The following SLC1A3 variants were observed in gnomAD, a reference collection of about 807,000 sequenced individuals.
SLC1A3 encodes the protein solute carrier family 1 member 3, also known as excitatory amino acid transporter 1.
In SLC1A3, 21 loss-of-function variants were observed where a neutral mutation model predicts 48.1. That is an observed-to-expected ratio of 0.44 (90% CI 0.31 to 0.63). SLC1A3 has a LOEUF of 0.63. Ranked by LOEUF, SLC1A3 falls within the 20% of genes least tolerant of loss-of-function variation. The pLI, the probability that SLC1A3 is intolerant of heterozygous loss-of-function variation, is 0.08. For missense variants in SLC1A3, 546 were observed against 689.0 expected, an observed-to-expected ratio of 0.79 and a Z score of 2.32; for synonymous variants, 239 against 251.4, an observed-to-expected ratio of 0.95 and a Z score of 0.47.
At chr5:36,674,173 C>G (rs913706243) in intron 5 of SLC1A3, 82 bp downstream of exon 5, 74 of 1,075,552 alleles carry the variant, frequency 6.9e-5, no homozygotes, top group Non-Finnish European at 1.0e-4. Context: ...TTTCCCTGCT[C>G]ATTTCTCTGC....
At chr5:36,612,857 TAA>T in intron 2 of SLC1A3, 1 of 456,036 alleles carries the variant, frequency 2.2e-6, no homozygotes, top group Non-Finnish European at 4.4e-6. Context: ...CTGGGTGCTA[TAA>T]CACCCATTCT....
intron 2 of SLC1A3, among the ~76,000 whole-genome samples, chr5:36,610,866 G>T (rs371919916): frequency 5.9e-5 from 9 of 152,276 alleles, no homozygotes; most frequent in African/African-American, 2.2e-4. Flanking sequence ...GGAGGCAGAA[G>T]CAGCAAGAAG....
At chr5:36,655,842 G>T (rs1300716058) in intron 3 of SLC1A3, among the ~76,000 whole-genome samples, 1 of 152,172 alleles carries the variant, frequency 6.6e-6, no homozygotes, top group Non-Finnish European at 1.5e-5. Context: ...TTCCAAGGGT[G>T]TTTGAGATTC....
rs377667925 is a variant in SLC1A3, at chr5:36,612,245, G to A, written c.181+3641G>A. Among the ~76,000 whole-genome samples the A allele has an allele frequency of 4.6e-5, 7 of 152,142 alleles. No homozygotes were observed. The East Asian group carries it at 7.7e-4, about 17-fold the overall frequency. ...TTACATTTGAGTTCTCCTTTATATG[G>A]ATTTGAAAGAAATCGGTGAATCATC... On this transcript the variant is annotated intron_variant, in intron 2 of 9. Transcript: ENST00000265113.
At chr5:36,630,622 A>C (rs1740099331) in intron 3 of SLC1A3, 1 of 152,214 alleles carries the variant, frequency 6.6e-6, no homozygotes, top group Non-Finnish European at 1.5e-5. Flanking sequence ...GTTCTCAAGG[A>C]TATTTATACT....
chr5:36,637,511 G>A (rs1740443291), intron 3 of SLC1A3, among the ~76,000 whole-genome samples: 1 of 152,094 alleles, frequency 6.6e-6, no homozygotes, highest in South Asian at 2.1e-4. Flanking sequence ...AGAAATTTTT[G>A]AAAAATTTAA....
chr5:36,597,580 C>T (rs1477931277), intron 1 of SLC1A3, among the ~76,000 whole-genome samples: 1 of 152,160 alleles, frequency 6.6e-6, no homozygotes, highest in Non-Finnish European at 1.5e-5. Context: ...CTGTCACTGC[C>T]TTGTCAAGAA....
In SLC1A3 at chr5:36,659,298, G is replaced by C. The variant is rs190312841; in HGVS notation, c.320-11731G>C. On this transcript the variant is annotated intron_variant, in intron 3 of 9. Transcript: ENST00000265113. Reference sequence around the variant, plus strand: ...ACCATTGTTAGCCTCCACCTTGAAGGGTTGTTAGGAGGATAAAGGAGGTGA... The same window carrying C: ...ACCATTGTTAGCCTCCACCTTGAAGCGTTGTTAGGAGGATAAAGGAGGTGA... 2.9e-3 allele frequency among the ~76,000 whole-genome samples: 438 copies of C among 152,248 alleles called. 1 individual carries two copies. Among genetic ancestry groups the C allele is most frequent in the Non-Finnish European group, 4.2e-3 (283 of 68,012 alleles).
At chr5:36,652,129 G>A (rs1258791097) in intron 3 of SLC1A3, among the ~76,000 whole-genome samples, 1 of 152,160 alleles carries the variant, frequency 6.6e-6, no homozygotes, top group African/African-American at 2.4e-5. Context: ...ATATTTGGTG[G>A]AATGCCTACT....
intron 4 of SLC1A3, 52 bp from the exon 5 acceptor site, chr5:36,673,997 A>T (rs1320162252): frequency 7.1e-7 from 1 of 1,411,744 alleles, no homozygotes; most frequent in Non-Finnish European, 1.0e-6. Flanking sequence ...GAATTTAAGG[A>T]GCAAACTTAT....
At chr5:36,670,364 T>A (rs1162045856) in intron 3 of SLC1A3, among the ~76,000 whole-genome samples, 1 of 152,198 alleles carries the variant, frequency 6.6e-6, no homozygotes, top group African/African-American at 2.4e-5. Flanking sequence ...TGATAATTTT[T>A]AAAAATTCTT....
At chr5:36,634,316 A>AG (rs1229859982) in intron 3 of SLC1A3, among the ~76,000 whole-genome samples, 2 of 152,126 alleles carry the variant, frequency 1.3e-5, no homozygotes, top group African/African-American at 4.8e-5. Flanking sequence ...AAATAAATAG[A>AG]GGGGATTAGC....
intron 3 of SLC1A3, among the ~76,000 whole-genome samples, chr5:36,654,760 T>C (rs1741222905): frequency 6.6e-6 from 1 of 152,182 alleles, no homozygotes; most frequent in Non-Finnish European, 1.5e-5. Flanking sequence ...CATTCAGTAT[T>C]GAGGCCCTCC....
intron 1 of SLC1A3, chr5:36,607,263 C>A (rs953852810): frequency 5.9e-5 from 9 of 152,086 alleles, no homozygotes; most frequent in Admixed American, 5.2e-4. Flanking sequence ...TTACCTCCCC[C>A]ACAGGCGCAC....
In SLC1A3 at chr5:36,670,796, G is replaced by A. The variant is rs1383415887; in HGVS notation, c.320-233G>A. The A allele has an allele frequency of 9.6e-5, 55 of 574,550 alleles. 1 individual carries two copies. The Admixed American group carries it at 1.4e-3, about 15-fold the overall frequency. 35.6% of individuals were successfully genotyped at this position (574,550 alleles called of 1,614,324 possible). On this transcript the variant is annotated intron_variant, in intron 3 of 9. Transcript: ENST00000265113. ...TGGCCATGTGAAATCAACTCTTGGG[G>A]CAGAAAATGAGTGACTGCATGTTCA...
At chr5:36,658,241 C>A (rs962279102) in intron 3 of SLC1A3, among the ~76,000 whole-genome samples, 1 of 152,016 alleles carries the variant, frequency 6.6e-6, no homozygotes, top group African/African-American at 2.4e-5. Flanking sequence ...GCAGAAGAAG[C>A]CTTAAGAGCA....
chr5:36,686,286 A>G lies in SLC1A3; in HGVS notation c.*17A>G. ...AAGATGTAGACTAACATAAAGAAAC[A>G]CTTTCTTGAGCACCAGGTGTTAAAA... On this transcript the variant is annotated 3_prime_UTR_variant, in exon 10 of 10. Transcript: ENST00000265113. 1 of 1,577,872 alleles carries G rather than the reference A, an allele frequency of 6.3e-7. No homozygotes were observed. The highest frequency in any genetic ancestry group is 8.7e-7 in the Non-Finnish European group (1 of 1,147,060).
intron 3 of SLC1A3, among the ~76,000 whole-genome samples, chr5:36,644,795 G>A (rs1422845265): frequency 6.6e-6 from 1 of 152,160 alleles, no homozygotes; most frequent in Non-Finnish European, 1.5e-5. Context: ...TAACCAGGAT[G>A]TTAGTCTGTG....
rs758803628 is a variant in SLC1A3 at position 36,629,442 on chromosome 5, T to G, written c.182-8T>G. 12 of 1,607,444 alleles carry G rather than the reference T, an allele frequency of 7.5e-6. No homozygotes were observed. The highest frequency in any genetic ancestry group is 1.0e-5 in the Non-Finnish European group (12 of 1,176,672). ...TTTTCTTTTTCTTTTTTTTTTTTTT[T>G]CCTTCAGGTACAATCCTTGGATTTA... On this transcript the variant is annotated splice_polypyrimidine_tract_variant and splice_region_variant and intron_variant, in intron 2 of 9. Transcript: ENST00000265113.
Sources: allele counts gnomAD v4.1 joint callset (sites outside exome capture counted in the v4.1 genomes callset), GRCh38; gene constraint gnomAD v4.1.1; transcripts MANE v1.5; gene names NCBI Gene and HGNC (gene_info 2026-07-23, HGNC 2026-07-21).